Variants in C11orf65 observed in about 807,000 individuals in gnomAD.
C11orf65 encodes chromosome 11 open reading frame 65, also known as protein MFI.
Under a neutral mutation model 35.3 loss-of-function variants are expected in C11orf65, and 38 were observed. The ratio of observed to expected loss-of-function variants is 1.08; its 90% CI spans 0.83 to 1.41. C11orf65 has a LOEUF of 1.41. C11orf65 is among the 40% of genes most tolerant of loss of function. C11orf65 has a pLI of 0.00. For missense variants in C11orf65, 370 were observed against 367.1 expected, an observed-to-expected ratio of 1.01 and a Z score of -0.06; for synonymous variants, 105 against 114.4, an observed-to-expected ratio of 0.92 and a Z score of 0.53.
In C11orf65 at chr11:108,404,355, C is replaced by T. The variant is rs117132817; in HGVS notation, c.560+1074G>A. Among the ~76,000 whole-genome samples the T allele has an allele frequency of 5.2e-3, 789 of 152,254 alleles. 6 individuals are homozygous for T. Among genetic ancestry groups the T allele is most frequent in the Non-Finnish European group, 8.8e-3 (599 of 68,020 alleles). ...TGCAAAATAAATGTTGCTGTGACTT[C>T]CAAGATAAGGCCTTAAAAAGCCTTG... On this transcript the variant is annotated intron_variant, in intron 6 of 8. Transcript: ENST00000393084.
chr11:108,385,790 G>C (rs1441686711), intron 8 of C11orf65, 130 bp downstream of exon 8: 1 of 703,850 alleles, frequency 1.4e-6, no homozygotes, highest in African/African-American at 1.8e-5. Context: ...AGGTAAAAAT[G>C]ACTTGACAAA....
At chr11:108,409,657 A>G (rs1206242142) in intron 3 of C11orf65, among the ~76,000 whole-genome samples, 1 of 152,034 alleles carries the variant, frequency 6.6e-6, no homozygotes, top group East Asian at 1.9e-4. Context: ...CCCCCAGGCC[A>G]TGGACTGGTA....
intron 6 of C11orf65, chr11:108,317,365 C>G: frequency 1.2e-6 from 2 of 1,608,838 alleles, no homozygotes; most frequent in Non-Finnish European, 1.7e-6. Flanking sequence ...AAAATAACTC[C>G]TGTTTAGGCC....
intron 7 of C11orf65, among the ~76,000 whole-genome samples, chr11:108,386,930 A>T (rs2138326813): frequency 6.6e-6 from 1 of 151,906 alleles, no homozygotes; most frequent in East Asian, 1.9e-4. Context: ...AAATACAAAA[A>T]ATTAGCCAGG....
intron 2 of C11orf65, among the ~76,000 whole-genome samples, chr11:108,338,235 C>T (rs1420531358): frequency 1.3e-5 from 2 of 152,076 alleles, no homozygotes; most frequent in Admixed American, 6.6e-5. Flanking sequence ...CCTCTAGTCT[C>T]AGCTACTTGG....
At chr11:108,345,018 A>C (rs1173496989) in intron 2 of C11orf65, among the ~76,000 whole-genome samples, 3 of 152,078 alleles carry the variant, frequency 2.0e-5, no homozygotes, top group Admixed American at 6.6e-5. Flanking sequence ...AAAAAAAAAA[A>C]ATGTTGGAGA....
At chr11:108,333,413 C>T (rs897205546) in intron 3 of C11orf65, among the ~76,000 whole-genome samples, 1 of 152,138 alleles carries the variant, frequency 6.6e-6, no homozygotes, top group African/African-American at 2.4e-5. Context: ...TTCTAAGTAT[C>T]TCCCCATACT....
intron 2 of C11orf65, among the ~76,000 whole-genome samples, chr11:108,437,979 G>C (rs2093090374): frequency 6.6e-6 from 1 of 152,068 alleles, no homozygotes; most frequent in Non-Finnish European, 1.5e-5. Context: ...GTGAGTTGGA[G>C]AGCCATACTT....
chr11:108,408,683 T>TAAAAAAAATAAAAAAAAA (rs1373369961), intron 3 of C11orf65, among the ~76,000 whole-genome samples: 2 of 72,832 alleles, frequency 2.7e-5, no homozygotes, highest in African/African-American at 9.1e-5. Context: ...ATAAATAAAA[T>TAAAAAAAATAAAAAAAAA]AAAATAAAAT....
intron 1 of C11orf65, among the ~76,000 whole-genome samples, chr11:108,464,184 C>T (rs2093505047): frequency 6.6e-6 from 1 of 152,110 alleles, no homozygotes; most frequent in Admixed American, 6.6e-5. Flanking sequence ...GCCTTGGCCT[C>T]CCAAAGTGCT....
intron 3 of C11orf65, among the ~76,000 whole-genome samples, chr11:108,421,970 C>A (rs985623557): frequency 1.3e-5 from 2 of 152,174 alleles, no homozygotes; most frequent in Admixed American, 1.3e-4. Flanking sequence ...CTCACACTGT[C>A]ACCCGGGTTG....
intron 3 of C11orf65, among the ~76,000 whole-genome samples, chr11:108,411,204 T>C (rs767008082): frequency 2.0e-5 from 3 of 152,196 alleles, no homozygotes; most frequent in Non-Finnish European, 4.4e-5. Flanking sequence ...GTATAAAATA[T>C]ATTCTAATTT....
intron 6 of C11orf65, among the ~76,000 whole-genome samples, chr11:108,309,374 G>C (rs945386694): frequency 3.3e-5 from 5 of 152,296 alleles, no homozygotes; most frequent in Middle Eastern, 3.4e-3. Flanking sequence ...AGTAGGGTGT[G>C]CCTTATTCAT....
chr11:108,355,672 T>C (rs55949629), intron 2 of C11orf65: 16,282 of 152,290 alleles, frequency 0.11, 1,222 homozygotes, highest in Non-Finnish European at 0.15. Context: ...AGTATTACTT[T>C]TACTGCATTT....
intron 2 of C11orf65, among the ~76,000 whole-genome samples, chr11:108,439,129 TCAA>T (rs2093111517): frequency 6.6e-6 from 1 of 152,098 alleles, no homozygotes; most frequent in African/African-American, 2.4e-5. Flanking sequence ...CTGCTACATC[TCAA>T]CAACAAATGC....
At chr11:108,459,738 C>A (rs888369147) in intron 2 of C11orf65, among the ~76,000 whole-genome samples, 6 of 148,568 alleles carry the variant, frequency 4.0e-5, no homozygotes, top group Non-Finnish European at 7.5e-5. Context: ...CACACACACA[C>A]ACACACACAC....
intron 2 of C11orf65, among the ~76,000 whole-genome samples, chr11:108,349,247 A>C (rs763158565): frequency 3.9e-5 from 6 of 152,234 alleles, no homozygotes; most frequent in Non-Finnish European, 7.3e-5. Flanking sequence ...AATGCTGAAA[A>C]TAGACCTTTG....
At chr11:108,391,404 G>A (rs1056510383) in intron 7 of C11orf65, among the ~76,000 whole-genome samples, 8 of 151,772 alleles carry the variant, frequency 5.3e-5, no homozygotes, top group South Asian at 2.1e-4. Context: ...TTTTTGAGAC[G>A]GAGTTTCACT....
chr11:108,446,175 T>C (rs1267409004), intron 2 of C11orf65, among the ~76,000 whole-genome samples: 3 of 150,874 alleles, frequency 2.0e-5, no homozygotes, highest in African/African-American at 7.3e-5. Context: ...CTGAAAGTGA[T>C]GGGGAGAATG....
Sources: gnomAD v4.1 joint callset for allele counts (sites outside exome capture counted in the v4.1 genomes callset) on GRCh38, gnomAD v4.1.1 for gene constraint, MANE v1.5 for transcripts, NCBI Gene and HGNC (gene_info 2026-07-23, HGNC 2026-07-21) for gene names.